The following ALKBH3 variants were observed in gnomAD, a reference collection of about 807,000 sequenced individuals.
ALKBH3 encodes alkB homolog 3, alpha-ketoglutarate dependent dioxygenase.
In ALKBH3, 51 loss-of-function variants were observed where a neutral mutation model predicts 43.9. The observed-to-expected ratio is 1.16, with a 90% CI of 0.93 to 1.47. The LOEUF (loss-of-function observed/expected upper bound fraction) is 1.47, where lower values mean the gene tolerates loss of function less well. ALKBH3 is among the 40% of genes most tolerant of loss of function. ALKBH3 has a pLI of 0.00. For synonymous variants in ALKBH3, 102 were observed against 115.2 expected (o/e 0.89, Z 0.73); for missense variants, 361 against 351.9 (o/e 1.03, Z -0.21).
Position 43,905,353 on chromosome 11 carries a change from A to G in ALKBH3, c.669+3628A>G, listed in dbSNP as rs1198195330. The stretch of plus-strand genomic sequence containing the variant: ...GTTTCGTAAGCACCAGTGCCCTCTG[A>G]TTCATGCATCAGCTCAGTCAGCTTC... On this transcript the variant is annotated intron_variant, in intron 8 of 9. Transcript: ENST00000302708. Among the ~76,000 whole-genome samples, 3 of 151,908 alleles carry G rather than the reference A, an allele frequency of 2.0e-5. No homozygotes were observed. The East Asian group carries it at 5.8e-4, about 29-fold the overall frequency.
At chr11:43,901,483 T>C (rs757573644) in intron 7 of ALKBH3, 33 bp from the exon 8 acceptor site, 58 of 1,608,484 alleles carry the variant, frequency 3.6e-5, no homozygotes, top group Middle Eastern at 2.1e-4. Flanking sequence ...GTAATGCGAC[T>C]GTCTTGCCCT....
At chr11:43,894,127 C>T (rs1951802481) in intron 7 of ALKBH3, among the ~76,000 whole-genome samples, 1 of 152,212 alleles carries the variant, frequency 6.6e-6, no homozygotes, top group African/African-American at 2.4e-5. Flanking sequence ...TAAGCAATTT[C>T]AGTCATGGGT....
At chr11:43,913,910 A>C (rs1182917934) in intron 8 of ALKBH3, among the ~76,000 whole-genome samples, 1 of 152,238 alleles carries the variant, frequency 6.6e-6, no homozygotes, top group Non-Finnish European at 1.5e-5. Flanking sequence ...TTCACATAAA[A>C]ATCCCACTTG....
At chr11:43,897,263 T>G (rs1951825490) in intron 7 of ALKBH3, 1 of 568,564 alleles carries the variant, frequency 1.8e-6, no homozygotes, top group Non-Finnish European at 3.4e-6. Context: ...TCCGCAGAGC[T>G]GCTGGTATGA....
chr11:43,893,508 A>G (rs187137558), intron 7 of ALKBH3, among the ~76,000 whole-genome samples: 33 of 152,362 alleles, frequency 2.2e-4, no homozygotes, highest in African/African-American at 7.2e-5. Flanking sequence ...TGTTGGTAGT[A>G]TGTGCTTATT....
chr11:43,916,561 GT>G (rs1321052393), intron 8 of ALKBH3: 1 of 151,998 alleles, frequency 6.6e-6, no homozygotes, highest in Non-Finnish European at 1.5e-5. Context: ...GGTGTGTTTT[GT>G]TTTGTTTTGA....
At chr11:43,907,871 A>G (rs1565128532) in intron 8 of ALKBH3, among the ~76,000 whole-genome samples, 1 of 152,172 alleles carries the variant, frequency 6.6e-6, no homozygotes, top group African/African-American at 2.4e-5. Context: ...CAGAAGAGTG[A>G]CACGGTCTGA....
rs750976847 is a variant in ALKBH3, at chr11:43,889,585, C to T, written c.267-140C>T. On this transcript the variant is annotated intron_variant, in intron 5 of 9. Coordinates refer to ENST00000302708, the MANE Select transcript of ALKBH3 (RefSeq NM_139178.4). ...CTCATGACCTGGGTGATGTTAGGCT[C>T]TGCTTGCTGTGGGAGCTGTGGTAAG... is the stretch of plus-strand genomic sequence containing the variant. 3 of 643,436 alleles carry T rather than the reference C, an allele frequency of 4.7e-6. No homozygotes were observed. The Admixed American group carries it at 8.0e-5, about 17-fold the overall frequency. The allele number at this position is 643,436 out of a possible 1,614,324, so 39.9% of individuals were successfully genotyped here.
chr11:43,891,978 C>A, intron 6 of ALKBH3, 63 bp from the exon 7 acceptor site: 1 of 1,295,724 alleles, frequency 7.7e-7, no homozygotes, highest in African/African-American at 1.5e-5. Flanking sequence ...ACAAAGTTGG[C>A]ACTCAGTAGT....
At position 43,889,828 on chromosome 11, in the gene ALKBH3, G is replaced by A. The variant is rs1334595814; in HGVS notation, c.370G>A (p.Asp124Asn). 1.2e-5 allele frequency: 19 copies of A among 1,609,770 alleles called. No homozygotes were observed. Among genetic ancestry groups the A allele is most frequent in the Admixed American group, 1.7e-5 (1 of 59,982 alleles). Residue 124 changes from aspartate (D) to asparagine (N), a missense_variant and splice_region_variant, in exon 6 of 10, where the codon GAT becomes AAT. Coordinates refer to ENST00000302708, the MANE Select transcript of ALKBH3 (RefSeq NM_139178.4). ...GAAACAGAGGACTGGCATCAGAGAGGGTAAGTAGATCCCAGAGGTCACAGT... is the reference window on the plus strand; with the variant it reads ...GAAACAGAGGACTGGCATCAGAGAGAGTAAGTAGATCCCAGAGGTCACAGT... Reference protein sequence around the residue: ...PWKQRTGIREDITYQQPRLTA... With the variant: ...PWKQRTGIRENITYQQPRLTA...
At chr11:43,909,338 T>C (rs1951919383) in intron 8 of ALKBH3, 1 of 152,216 alleles carries the variant, frequency 6.6e-6, no homozygotes, top group African/African-American at 2.4e-5. Flanking sequence ...GTAATTAATA[T>C]GTTGTGTTTA....
chr11:43,920,179 G>A lies in ALKBH3; in HGVS notation c.*169G>A. The A allele has an allele frequency of 3.3e-6, 2 of 607,964 alleles. No individual in the cohort carries two copies. Among genetic ancestry groups the A allele is most frequent in the East Asian group, 2.8e-5 (1 of 35,726 alleles). 37.7% of individuals were successfully genotyped at this position (607,964 alleles called of 1,614,324 possible). A position where few individuals can be genotyped will look rare whatever the true frequency, so the allele number is the denominator to read the frequency against. Reference sequence around the variant, plus strand: ...AAATGAAAGCCAGCAACTCATGTTGGTAATAGGTCTACTGTGGGAACAGTT... The same window carrying A: ...AAATGAAAGCCAGCAACTCATGTTGATAATAGGTCTACTGTGGGAACAGTT... On this transcript the variant is annotated 3_prime_UTR_variant, in exon 10 of 10. Coordinates refer to ENST00000302708, the MANE Select transcript of ALKBH3 (RefSeq NM_139178.4).
Position 43,889,797 on chromosome 11 carries a change from T to A in ALKBH3, c.339T>A (p.Val113=), listed in dbSNP as rs761057713. 1.9e-6 allele frequency: 3 copies of A among 1,613,996 alleles called. No individual in the cohort carries two copies. Among genetic ancestry groups the A allele is most frequent in the Non-Finnish European group, 2.5e-6 (3 of 1,179,916 alleles). ...DWILEQLCQD[V]PWKQRTGIRE... is the part of the protein sequence containing the mutation. Reference sequence around the variant, plus strand: ...TATTGGAACAGCTTTGTCAAGATGTTCCCTGGAAACAGAGGACTGGCATCA... The same window carrying A: ...TATTGGAACAGCTTTGTCAAGATGTACCCTGGAAACAGAGGACTGGCATCA... The change falls in exon 6 of 10, where the codon GTT becomes GTA. Residue 113 remains valine, a synonymous_variant. Transcript: ENST00000302708.
intron 7 of ALKBH3, among the ~76,000 whole-genome samples, chr11:43,900,013 C>T (rs1951850435): frequency 1.3e-5 from 2 of 151,854 alleles, no homozygotes; most frequent in South Asian, 2.1e-4. Context: ...ATAAAAACAA[C>T]CTATTTTAAC....
At chr11:43,905,761 T>C (rs1345182419) in intron 8 of ALKBH3, among the ~76,000 whole-genome samples, 1 of 152,228 alleles carries the variant, frequency 6.6e-6, no homozygotes, top group Non-Finnish European at 1.5e-5. Context: ...TTTTCTATAC[T>C]TCTTGTCCCA....
rs1340343585 is a variant in ALKBH3, at chr11:43,880,853, A to G, written c.-397A>G. On this transcript the variant is annotated 5_prime_UTR_variant, in exon 1 of 10. Coordinates refer to ENST00000302708, the MANE Select transcript of ALKBH3 (RefSeq NM_139178.4). ...TTCACTCTTAAGGTTCCGATCACAG[A>G]CTGCGGAGTGGGTCAGGGGCTGCGA... 1 of 152,138 alleles carries G rather than the reference A, an allele frequency of 6.6e-6. No homozygotes were observed. Among genetic ancestry groups the G allele is most frequent in the Non-Finnish European group, 1.5e-5 (1 of 68,048 alleles). 9.4% of individuals were successfully genotyped at this position (152,138 alleles called of 1,614,324 possible).
At chr11:43,886,743 TAC>T (rs1951749220) in intron 5 of ALKBH3, 90 bp downstream of exon 5, 1 of 1,238,944 alleles carries the variant, frequency 8.1e-7, no homozygotes, top group African/African-American at 1.5e-5. Flanking sequence ...GAAAATGTAG[TAC>T]ATATACATTA....
intron 7 of ALKBH3, chr11:43,898,108 G>A (rs1951832627): frequency 3.7e-6 from 4 of 1,089,476 alleles, no homozygotes; most frequent in Non-Finnish European, 5.7e-6. Flanking sequence ...CAGCCCCAGT[G>A]CACCTGAGCC....
chr11:43,899,362 G>T, intron 7 of ALKBH3: 1 of 699,650 alleles, frequency 1.4e-6, no homozygotes, highest in Non-Finnish European at 2.7e-6. Context: ...TCAGCAGCCT[G>T]CCCCAGGTGG....
Sources: allele counts gnomAD v4.1 joint callset (sites outside exome capture counted in the v4.1 genomes callset), GRCh38; gene constraint gnomAD v4.1.1; transcripts MANE v1.5; gene names NCBI Gene and HGNC (gene_info 2026-07-23, HGNC 2026-07-21).